The following GALK2 variants were observed in gnomAD, a reference collection of about 807,000 sequenced individuals.
GALK2 encodes the protein galactokinase 2.
In GALK2, 36 loss-of-function variants were observed where a neutral mutation model predicts 52.4. The observed-to-expected ratio is 0.69, with a 90% CI of 0.53 to 0.91. GALK2 has a LOEUF of 0.91. GALK2 is among the 40% of genes least tolerant of loss of function. The probability of loss-of-function intolerance (pLI) is 0.00; values close to 1 mark genes in which losing one functional copy is unlikely to be tolerated. For missense variants in GALK2, 579 were observed against 559.1 expected (o/e 1.04, Z -0.36); for synonymous variants, 176 against 199.1 (o/e 0.88, Z 0.98).
At chr15:49,156,290 C>T (rs2141140494) in intron 1 of GALK2, 1 of 464,996 alleles carries the variant, frequency 2.2e-6, no homozygotes, top group African/African-American at 2.0e-5. Context: ...TTAAAAAATA[C>T]ATTACTGTGA....
chr15:49,163,789 A>G (rs925923720), intron 1 of GALK2, among the ~76,000 whole-genome samples: 1 of 152,354 alleles, frequency 6.6e-6, no homozygotes, highest in Admixed American at 6.5e-5. Context: ...GAAATGCAGC[A>G]TATGCCTTGC....
intron 1 of GALK2, among the ~76,000 whole-genome samples, chr15:49,180,628 A>G (rs528843367): frequency 6.6e-6 from 1 of 152,202 alleles, no homozygotes; most frequent in African/African-American, 2.4e-5. Flanking sequence ...AGGTTTCTCA[A>G]TATGGCATAA....
chr15:49,220,254 T>A (rs1215602628), intron 3 of GALK2, among the ~76,000 whole-genome samples: 1 of 152,088 alleles, frequency 6.6e-6, no homozygotes, highest in Non-Finnish European at 1.5e-5. Flanking sequence ...CAACCTCTTT[T>A]TATCCCCCGT....
At chr15:49,253,928 C>A (rs2141584706) in intron 5 of GALK2, among the ~76,000 whole-genome samples, 1 of 144,190 alleles carries the variant, frequency 6.9e-6, no homozygotes, top group South Asian at 2.3e-4. Context: ...GTTCATTCAG[C>A]CCTTCTGGAT....
At chr15:49,346,067 C>CT (rs2041453867) in intron 3 of GALK2, among the ~76,000 whole-genome samples, 15 of 146,304 alleles carry the variant, frequency 1.0e-4, no homozygotes, top group African/African-American at 3.8e-4. Context: ...TTTTTTTTTC[C>CT]TTTTTCCATG....
chr15:49,210,796 G>C (rs1355246254), intron 2 of GALK2, among the ~76,000 whole-genome samples: 2 of 152,032 alleles, frequency 1.3e-5, no homozygotes, highest in East Asian at 1.9e-4. Context: ...GCCCAGGCTG[G>C]AGTGTAGTGG....
chr15:49,353,910 T>C (rs1311137263), intron 3 of GALK2: 2 of 152,232 alleles, frequency 1.3e-5, no homozygotes, highest in South Asian at 2.1e-4. Flanking sequence ...ATAGTTACTT[T>C]AGTAATAACT....
Position 49,329,720 on chromosome 15 carries a change from A to T in GALK2, c.*1561A>T. ...CTGAAACCTGAATTTATTTAAATTT[A>T]TAATCCTTTATTTTTTAATACCGTG... is the stretch of plus-strand genomic sequence containing the variant. On this transcript the variant is annotated 3_prime_UTR_variant, in exon 10 of 10. Transcript: ENST00000560031. 1.0e-6 allele frequency: 1 copy of T among 972,536 alleles called. No individual in the cohort carries two copies. The highest frequency in any genetic ancestry group is 1.2e-6 in the Non-Finnish European group (1 of 818,340). The allele number at this position is 972,536 out of a possible 1,614,324, so 60.2% of individuals were successfully genotyped here. A position where few individuals can be genotyped will look rare whatever the true frequency, so the allele number is the denominator to read the frequency against.
chr15:49,336,912 G>A (rs2039816255), intron 3 of GALK2, among the ~76,000 whole-genome samples: 1 of 152,118 alleles, frequency 6.6e-6, no homozygotes, highest in African/African-American at 2.4e-5. Context: ...TTATGTCCAT[G>A]AGTACCCAAT....
intron 1 of GALK2, among the ~76,000 whole-genome samples, chr15:49,163,518 A>T (rs951701602): frequency 1.3e-5 from 2 of 152,168 alleles, no homozygotes; most frequent in African/African-American, 2.4e-5. Flanking sequence ...AGTGTGAATG[A>T]ATGTGGAGGT....
At chr15:49,245,163 G>T (rs1371212794) in intron 5 of GALK2, among the ~76,000 whole-genome samples, 1 of 152,108 alleles carries the variant, frequency 6.6e-6, no homozygotes, top group Non-Finnish European at 1.5e-5. Context: ...AAAGGTGGAT[G>T]TAAGAGAGCT....
Position 49,328,005 on chromosome 15 carries a change from C to T in GALK2, c.1223C>T (p.Thr408Ile), listed in dbSNP as rs2037830334. 2 of 1,613,904 alleles carry T rather than the reference C, an allele frequency of 1.2e-6. No homozygotes were observed. Among genetic ancestry groups the T allele is most frequent in the Non-Finnish European group, 1.7e-6 (2 of 1,179,826 alleles). The change falls in exon 10 of 10, where the codon ACA (threonine) becomes ATA (isoleucine). Residue 408 changes from threonine (T) to isoleucine (I), a missense_variant. Physicochemically the swap from Thr to Ile is moderately conservative, Grantham distance 89 (BLOSUM62 -1). Transcript: ENST00000560031. ...ACTGGAGCAGGATGGGGAGGCTGCACAGTATCAATGGTACCTGCGGACAAG... is the reference window on the plus strand; with the variant it reads ...ACTGGAGCAGGATGGGGAGGCTGCATAGTATCAATGGTACCTGCGGACAAG... ...RLTGAGWGGC[T>I]VSMVPADKLP...
intron 2 of GALK2, among the ~76,000 whole-genome samples, chr15:49,201,600 G>A (rs912452611): frequency 7.2e-5 from 11 of 152,100 alleles, no homozygotes; most frequent in Non-Finnish European, 1.5e-4. Flanking sequence ...AGGAGCACAG[G>A]GAAACCTTAA....
intron 5 of GALK2, among the ~76,000 whole-genome samples, chr15:49,256,109 G>A (rs2091804339): frequency 6.6e-6 from 1 of 152,064 alleles, no homozygotes; most frequent in Non-Finnish European, 1.5e-5. Context: ...TAATGACATG[G>A]GCAGGCTCCA....
At chr15:49,220,221 A>G (rs1441730516) in intron 3 of GALK2, among the ~76,000 whole-genome samples, 6 of 151,692 alleles carry the variant, frequency 4.0e-5, no homozygotes, top group African/African-American at 1.5e-4. Context: ...CTTCTATCTA[A>G]CCGTATGTTT....
rs376000133 is a variant in GALK2, at chr15:49,228,411, CTT to C, written c.267-7439_267-7438del. ...GTTACATAAGGTTTTTTCATTCTCT[CTT>C]ATCATTTTTTCCTTATATTTGTCTG... is the stretch of plus-strand genomic sequence containing the variant. On this transcript the variant is annotated intron_variant, in intron 3 of 9. Coordinates refer to ENST00000560031, the MANE Select transcript of GALK2 (RefSeq NM_002044.4). 6.4e-3 allele frequency among the ~76,000 whole-genome samples: 961 copies of C among 151,280 alleles called. 13 individuals carry two copies. The highest frequency in any genetic ancestry group is 0.022 in the African/African-American group (904 of 41,260).
intron 8 of GALK2, among the ~76,000 whole-genome samples, chr15:49,297,928 ATT>A (rs58235731): frequency 8.0e-5 from 12 of 149,138 alleles, no homozygotes; most frequent in Admixed American, 1.3e-4. Context: ...GAATTTTTGA[ATT>A]TTTTTTTTTC....
At chr15:49,235,731 A>G (rs1178108955) in intron 3 of GALK2, 120 bp from the exon 4 acceptor site, 4 of 787,376 alleles carry the variant, frequency 5.1e-6, no homozygotes, top group Non-Finnish European at 9.3e-6. Flanking sequence ...CACAGTTTGA[A>G]CATAAAAGGT....
chr15:49,275,509 T>C (rs187876674), intron 5 of GALK2, among the ~76,000 whole-genome samples: 258 of 152,310 alleles, frequency 1.7e-3, no homozygotes, highest in African/African-American at 6.0e-3. Context: ...TTCCTTCCTT[T>C]CTCTTGACTT....
Sources: gnomAD v4.1 joint callset for allele counts (sites outside exome capture counted in the v4.1 genomes callset) on GRCh38, gnomAD v4.1.1 for gene constraint, MANE v1.5 for transcripts, NCBI Gene and HGNC (gene_info 2026-07-23, HGNC 2026-07-21) for gene names.